The following AGBL1 variants were observed in gnomAD, a reference collection of about 807,000 sequenced individuals.
AGBL1 encodes the protein AGBL carboxypeptidase 1, also known as cytosolic carboxypeptidase 4.
Under a neutral mutation model 118.9 loss-of-function variants are expected in AGBL1, and 130 were observed. The ratio of observed to expected loss-of-function variants is 1.09; its 90% CI spans 0.95 to 1.26. AGBL1 has a LOEUF of 1.26. AGBL1 is among the 50% of genes most tolerant of loss of function. The pLI, the probability that AGBL1 is intolerant of heterozygous loss-of-function variation, is 0.00. For synonymous variants in AGBL1, 555 were observed against 478.9 expected (o/e 1.16, Z -2.08); for missense variants, 1,584 against 1,298.1 (o/e 1.22, Z -3.38).
At chr15:86,213,016 C>T (rs907575336) in intron 5 of AGBL1, among the ~76,000 whole-genome samples, 3 of 152,172 alleles carry the variant, frequency 2.0e-5, no homozygotes, top group Non-Finnish European at 4.4e-5. Flanking sequence ...CTAAACACTA[C>T]AAGGATTCTG....
intron 1 of AGBL1, among the ~76,000 whole-genome samples, chr15:86,097,700 T>C (rs1289841700): frequency 6.6e-6 from 1 of 152,196 alleles, no homozygotes; most frequent in African/African-American, 2.4e-5. Flanking sequence ...ATTGTGTATA[T>C]ATGCCACATT....
At chr15:86,738,473 G>A (rs949934282) in intron 22 of AGBL1, among the ~76,000 whole-genome samples, 1 of 152,002 alleles carries the variant, frequency 6.6e-6, no homozygotes, top group Non-Finnish European at 1.5e-5. Context: ...CTCATATATA[G>A]AAAAACTTAA....
chr15:86,148,522 T>C (rs2077062478), intron 3 of AGBL1, among the ~76,000 whole-genome samples: 1 of 152,090 alleles, frequency 6.6e-6, no homozygotes, highest in Non-Finnish European at 1.5e-5. Flanking sequence ...GAAGAAAGGG[T>C]ATCAGTGACT....
chr15:86,213,038 TC>T (rs1303549685), intron 5 of AGBL1, among the ~76,000 whole-genome samples: 2 of 152,200 alleles, frequency 1.3e-5, no homozygotes, highest in East Asian at 3.8e-4. Flanking sequence ...GAATCATAAA[TC>T]CTGTCAATCA....
intron 1 of AGBL1, among the ~76,000 whole-genome samples, chr15:86,097,030 G>A (rs960186849): frequency 8.5e-5 from 13 of 152,074 alleles, no homozygotes; most frequent in African/African-American, 2.2e-4. Context: ...GTACTGAGAC[G>A]CTCAAACCTG....
intron 5 of AGBL1, among the ~76,000 whole-genome samples, chr15:86,167,073 A>G (rs1340009262): frequency 6.6e-6 from 1 of 152,064 alleles, no homozygotes; most frequent in Admixed American, 6.6e-5. Flanking sequence ...AGCTTATGCA[A>G]AGAAATTTGT....
At chr15:86,177,070 T>C (rs540530048) in intron 5 of AGBL1, among the ~76,000 whole-genome samples, 1 of 152,238 alleles carries the variant, frequency 6.6e-6, no homozygotes, top group Non-Finnish European at 1.5e-5. Flanking sequence ...ATTTTAAATA[T>C]AAAGACTTGA....
chr15:86,688,806 CCACAAT>C (rs1482712246), intron 22 of AGBL1, among the ~76,000 whole-genome samples: 1 of 152,086 alleles, frequency 6.6e-6, no homozygotes, highest in Non-Finnish European at 1.5e-5. Context: ...AAAACTATCA[CCACAAT>C]CACAGTTATT....
chr15:86,653,033 C>G (rs372431122), intron 21 of AGBL1, among the ~76,000 whole-genome samples: 213 of 152,272 alleles, frequency 1.4e-3, no homozygotes, highest in Non-Finnish European at 2.2e-3. Context: ...GTTATAGACC[C>G]TAACAAATGC....
intron 24 of AGBL1, among the ~76,000 whole-genome samples, chr15:87,006,297 C>G (rs1045890241): frequency 1.3e-5 from 2 of 152,176 alleles, no homozygotes; most frequent in African/African-American, 4.8e-5. Flanking sequence ...GAGGTGGAGT[C>G]TACAGAGGCA....
intron 22 of AGBL1, among the ~76,000 whole-genome samples, chr15:86,825,887 G>GGATA (rs61494287): frequency 0.024 from 3,510 of 144,146 alleles, 54 homozygotes; most frequent in African/African-American, 0.047. Flanking sequence ...ATAGATGGAT[G>GGATA]GATAGATAGA....
chr15:86,924,713 G>T (rs527829735), intron 23 of AGBL1, among the ~76,000 whole-genome samples: 1 of 152,120 alleles, frequency 6.6e-6, no homozygotes, highest in African/African-American at 2.4e-5. Flanking sequence ...GCAGCGGATA[G>T]TTTCCATGTG....
At chr15:86,296,745 G>T (rs2141781376) in intron 17 of AGBL1, 1 of 152,296 alleles carries the variant, frequency 6.6e-6, no homozygotes, top group Non-Finnish European at 1.5e-5. Flanking sequence ...ATGCATTTAA[G>T]AGCAATTTCT....
intron 6 of AGBL1, among the ~76,000 whole-genome samples, chr15:86,236,933 GGGGGGGGGC>G (rs1567146219): frequency 1.0e-3 from 18 of 17,682 alleles, no homozygotes; most frequent in Non-Finnish European, 1.7e-3. Flanking sequence ...ATATGTGGGC[GGGGGGGGGC>G]GGGGGGGGGC....
chr15:87,024,712 G>C (rs2081707546), intron 24 of AGBL1, among the ~76,000 whole-genome samples: 1 of 152,000 alleles, frequency 6.6e-6, no homozygotes, highest in East Asian at 1.9e-4. Flanking sequence ...TATCCCTGAT[G>C]AACATAGATG....
chr15:87,015,373 T>TATC (rs879698366), intron 24 of AGBL1, among the ~76,000 whole-genome samples: 78 of 152,252 alleles, frequency 5.1e-4, no homozygotes, highest in Middle Eastern at 3.4e-3. Flanking sequence ...TCTATCTATC[T>TATC]ATCTATCTAG....
chr15:86,982,800 G>T (rs181250589), intron 23 of AGBL1, among the ~76,000 whole-genome samples: 204 of 152,138 alleles, frequency 1.3e-3, no homozygotes, highest in African/African-American at 4.5e-3. Context: ...TTTGCTATTG[G>T]TAAGGCTTCT....
intron 23 of AGBL1, among the ~76,000 whole-genome samples, chr15:86,936,435 C>T (rs904703442): frequency 6.6e-5 from 10 of 152,182 alleles, no homozygotes; most frequent in African/African-American, 2.4e-4. Context: ...CCAGACTCAA[C>T]ACCACCCCAG....
At chr15:86,744,999 G>T (rs1316667138) in intron 22 of AGBL1, among the ~76,000 whole-genome samples, 1 of 152,076 alleles carries the variant, frequency 6.6e-6, no homozygotes, top group South Asian at 2.1e-4. Context: ...AGCGGGGCCA[G>T]GAAGAGTTTG....
Sources: allele counts gnomAD v4.1 joint callset (sites outside exome capture counted in the v4.1 genomes callset), GRCh38; gene constraint gnomAD v4.1.1; transcripts MANE v1.5; gene names NCBI Gene and HGNC (gene_info 2026-07-23, HGNC 2026-07-21).